UNC5C: variants seen among roughly 807,000 people sequenced by gnomAD.
UNC5C encodes the protein unc-5 netrin receptor C, also known as netrin receptor UNC5C.
UNC5C carries 47 observed loss-of-function variants against 99.8 expected under a neutral mutation model. That is an observed-to-expected ratio of 0.47 (90% CI 0.37 to 0.60). The LOEUF is 0.60. Among genes scored for constraint, UNC5C ranks in the 20% least tolerant of loss-of-function variants. The probability of loss-of-function intolerance (pLI) is 0.00; values close to 1 mark genes in which losing one functional copy is unlikely to be tolerated. For synonymous variants in UNC5C, 487 were observed against 452.2 expected, an observed-to-expected ratio of 1.08 and a Z score of -0.98; for missense variants, 1,062 against 1,165.9, an observed-to-expected ratio of 0.91 and a Z score of 1.30.
intron 7 of UNC5C, among the ~76,000 whole-genome samples, chr4:95,236,610 AAAAG>A (rs1323179433): frequency 3.1e-5 from 4 of 130,768 alleles, no homozygotes; most frequent in African/African-American, 1.0e-4. Flanking sequence ...TAAAAGAAAA[AAAAG>A]AATAGAAAGC....
At chr4:95,274,498 T>C (rs1346466347) in intron 4 of UNC5C, among the ~76,000 whole-genome samples, 2 of 152,148 alleles carry the variant, frequency 1.3e-5, no homozygotes, top group African/African-American at 4.8e-5. Flanking sequence ...ACTCTTGTGC[T>C]TCAGCCCTAG....
chr4:95,250,586 T>C lies in UNC5C; in HGVS notation c.676A>G (p.Ile226Val). 3.1e-6 allele frequency: 5 copies of C among 1,614,040 alleles called. No homozygotes were observed. The highest frequency in any genetic ancestry group is 3.4e-6 in the Non-Finnish European group (4 of 1,179,980). The stretch of plus-strand genomic sequence containing the variant: ...GTATCAGAGAGTCGGGCCTGCTTTA[T>C]GATGAGGTTGTGATCAATAGTAATA... ...FYITIDHNLIIKQARLSDTAN... is the reference protein window; with the variant it reads ...FYITIDHNLIVKQARLSDTAN... Residue 226 changes from isoleucine (I) to valine (V), a missense_variant, in exon 5 of 16, where the codon ATA (isoleucine) becomes GTA (valine). Physicochemically the swap from Ile to Val is conservative, Grantham distance 29. Around this residue, in one of 3 missense-constraint regions of UNC5C, gnomAD observed 249 missense variants for 295.1 expected, o/e 0.84. Transcript: ENST00000453304.
chr4:95,193,387 G>C (rs942302680), intron 12 of UNC5C, among the ~76,000 whole-genome samples: 3 of 152,150 alleles, frequency 2.0e-5, no homozygotes, highest in African/African-American at 7.2e-5. Context: ...TGCTGGAGCC[G>C]GCACAGGAGG....
intron 1 of UNC5C, among the ~76,000 whole-genome samples, chr4:95,544,705 T>C (rs1307548492): frequency 6.6e-6 from 1 of 152,348 alleles, no homozygotes; most frequent in Non-Finnish European, 1.5e-5. Context: ...AAGCCATTGT[T>C]TCTAATTTGT....
chr4:95,223,660 T>C (rs547079721), intron 7 of UNC5C, among the ~76,000 whole-genome samples: 7 of 152,208 alleles, frequency 4.6e-5, no homozygotes, highest in African/African-American at 7.2e-5. Context: ...TTATATTCCT[T>C]ATTCTAGTTG....
chr4:95,201,889 C>A (rs184053075), intron 12 of UNC5C, among the ~76,000 whole-genome samples: 1 of 152,196 alleles, frequency 6.6e-6, no homozygotes, highest in South Asian at 2.1e-4. Context: ...CAGGCGTGAG[C>A]CACCACACCC....
chr4:95,178,615 C>T (rs1221041770), intron 14 of UNC5C, among the ~76,000 whole-genome samples: 1 of 152,184 alleles, frequency 6.6e-6, no homozygotes, highest in East Asian at 1.9e-4. Flanking sequence ...TGAAGCCAAC[C>T]TCTGATAGAA....
At chr4:95,482,158 A>G (rs1268627188) in intron 1 of UNC5C, among the ~76,000 whole-genome samples, 2 of 152,100 alleles carry the variant, frequency 1.3e-5, no homozygotes, top group Non-Finnish European at 2.9e-5. Flanking sequence ...AAACAAATTT[A>G]CAAGAAAAAA....
chr4:95,323,756 G>A (rs1245241629), intron 2 of UNC5C, among the ~76,000 whole-genome samples: 1 of 152,128 alleles, frequency 6.6e-6, no homozygotes, highest in Non-Finnish European at 1.5e-5. Flanking sequence ...AAGGTTTTCG[G>A]GTCAGGTGCG....
At chr4:95,377,576 T>A (rs4699264) in intron 1 of UNC5C, among the ~76,000 whole-genome samples, 111,054 of 152,066 alleles carry the variant, frequency 0.73, 41,717 homozygotes, top group East Asian at 0.95. Flanking sequence ...GGCAAGTATC[T>A]CTGTGTTCCC....
chr4:95,206,763 G>C lies in UNC5C; in HGVS notation c.1767C>G (p.Thr589=). The change falls in exon 11 of 16, where the codon ACC becomes ACG. Residue 589 remains threonine (T), a synonymous_variant. Coordinates refer to ENST00000453304, the MANE Select transcript of UNC5C (RefSeq NM_003728.4). ...CTGGGGGCCCACAGCTCACCACAGG[G>C]GTCAAAAGTGTCTGAGAGTCATCCA... ...PPMDDSQTLL[T]PVVSCGPPGA... 6.2e-7 allele frequency: 1 copy of C among 1,611,680 alleles called. No individual in the cohort carries two copies. The highest frequency in any genetic ancestry group is 1.3e-5 in the African/African-American group (1 of 74,918).
chr4:95,507,137 T>A (rs937031640), intron 1 of UNC5C, among the ~76,000 whole-genome samples: 7 of 152,106 alleles, frequency 4.6e-5, no homozygotes, highest in African/African-American at 1.7e-4. Context: ...TTTACTCTCA[T>A]GAATTTGAAA....
intron 7 of UNC5C, among the ~76,000 whole-genome samples, chr4:95,235,542 T>A (rs992275122): frequency 6.6e-6 from 1 of 152,138 alleles, no homozygotes; most frequent in Non-Finnish European, 1.5e-5. Flanking sequence ...GGTGTTTTAG[T>A]CATGAAGTCC....
intron 7 of UNC5C, among the ~76,000 whole-genome samples, chr4:95,224,603 A>AATTCATTCATTC (rs35707866): frequency 3.7e-3 from 560 of 150,970 alleles, no homozygotes; most frequent in African/African-American, 0.01. Flanking sequence ...ACAGAATTGG[A>AATTCATTCATTC]ATTCATTCAT....
In UNC5C at chr4:95,170,151, C is replaced by G; in HGVS notation, c.2630+3G>C. On this transcript the variant is annotated splice_donor_region_variant and intron_variant, in intron 15 of 15. Transcript: ENST00000453304. ...GCTAGTCTTGGGGCCAGACCATACC[C>G]ACCTGTCCAGGTTCAGCTTATGGGC... is the stretch of plus-strand genomic sequence containing the variant. 6.2e-7 allele frequency: 1 copy of G among 1,613,668 alleles called. No homozygotes were observed.
intron 2 of UNC5C, among the ~76,000 whole-genome samples, chr4:95,316,896 G>A (rs1663623122): frequency 6.6e-6 from 1 of 151,446 alleles, no homozygotes. Flanking sequence ...AAGTGAAGAG[G>A]GATCTGAGGT....
At chr4:95,192,642 C>A (rs914942357) in intron 12 of UNC5C, among the ~76,000 whole-genome samples, 5 of 149,760 alleles carry the variant, frequency 3.3e-5, no homozygotes, top group Admixed American at 6.7e-5. Flanking sequence ...CTCTCCTGCT[C>A]ACCTCTTCTG....
intron 1 of UNC5C, among the ~76,000 whole-genome samples, chr4:95,517,184 C>T (rs994803139): frequency 6.6e-6 from 1 of 152,098 alleles, no homozygotes; most frequent in Non-Finnish European, 1.5e-5. Context: ...AAATATTAAA[C>T]TGTTATTTAA....
At chr4:95,406,124 G>GA (rs924125762) in intron 1 of UNC5C, among the ~76,000 whole-genome samples, 3 of 152,052 alleles carry the variant, frequency 2.0e-5, no homozygotes, top group South Asian at 2.1e-4. Context: ...CACGAGGACT[G>GA]AAAAAAACAG....
Sources: gnomAD v4.1 joint callset for allele counts (sites outside exome capture counted in the v4.1 genomes callset) on GRCh38, gnomAD v4.1.1 for gene constraint, gnomAD v4.1.1 regional missense constraint, MANE v1.5 for transcripts, NCBI Gene and HGNC (gene_info 2026-07-23, HGNC 2026-07-21) for gene names.